ENPP6: variants seen among roughly 807,000 people sequenced by gnomAD.
ENPP6 encodes glycerophosphocholine cholinephosphodiesterase ENPP6.
A neutral mutation model predicts 42.0 loss-of-function variants in ENPP6; 32 were observed. The ratio of observed to expected loss-of-function variants is 0.76; its 90% CI spans 0.58 to 1.02. ENPP6 has a LOEUF of 1.02. ENPP6 is among the 50% of genes least tolerant of loss of function. The pLI, the probability that ENPP6 is intolerant of heterozygous loss-of-function variation, is 0.00. For synonymous variants in ENPP6, 213 were observed against 216.0 expected, an observed-to-expected ratio of 0.99 and a Z score of 0.12; for missense variants, 552 against 566.8, an observed-to-expected ratio of 0.97 and a Z score of 0.27.
chr4:184,146,779 T>C lies in ENPP6; in HGVS notation c.421+6775A>G, dbSNP rs1004694635. 2.6e-5 allele frequency among the ~76,000 whole-genome samples: 4 copies of C among 152,036 alleles called. No individual in the cohort carries two copies. The East Asian group carries it at 7.7e-4, about 29-fold the overall frequency. The stretch of plus-strand genomic sequence containing the variant: ...CCTCATCAGATGGCTACGCAGAGAG[T>C]GATACTACCTCCCCTTGCTTTTCAC... On this transcript the variant is annotated intron_variant, in intron 2 of 7. Transcript: ENST00000296741.
chr4:184,180,339 A>G (rs1732532231), intron 1 of ENPP6, among the ~76,000 whole-genome samples: 1 of 152,220 alleles, frequency 6.6e-6, no homozygotes, highest in South Asian at 2.1e-4. Context: ...GAGACCATTA[A>G]AAAGTTCTGA....
intron 2 of ENPP6, among the ~76,000 whole-genome samples, chr4:184,136,336 C>T (rs556657319): frequency 1.9e-4 from 29 of 152,086 alleles, no homozygotes; most frequent in African/African-American, 5.8e-4. Flanking sequence ...CTTCTATTGT[C>T]ATGTACTTTA....
At chr4:184,112,941 A>G in intron 5 of ENPP6, 132 bp from the exon 6 acceptor site, 1 of 1,103,572 alleles carries the variant, frequency 9.1e-7, no homozygotes, top group South Asian at 2.0e-5. Flanking sequence ...ATAGATTTGA[A>G]TATGTAAAAA....
chr4:184,133,890 T>G, intron 2 of ENPP6, among the ~76,000 whole-genome samples: 1 of 145,008 alleles, frequency 6.9e-6, no homozygotes. Flanking sequence ...TTTTTTGAGA[T>G]GGAGCCTCAC....
chr4:184,193,558 G>T (rs1732737120), intron 1 of ENPP6, among the ~76,000 whole-genome samples: 1 of 152,180 alleles, frequency 6.6e-6, no homozygotes, highest in Non-Finnish European at 1.5e-5. Flanking sequence ...GGCAGTGGTT[G>T]CACATCTCTG....
intron 5 of ENPP6, 123 bp from the exon 6 acceptor site, chr4:184,112,932 T>C (rs1203716934): frequency 6.1e-6 from 7 of 1,141,190 alleles, no homozygotes; most frequent in Non-Finnish European, 8.4e-6. Context: ...AAATACTTGA[T>C]AGATTTGAAT....
At chr4:184,102,334 G>A (rs1401321795) in intron 6 of ENPP6, among the ~76,000 whole-genome samples, 2 of 152,192 alleles carry the variant, frequency 1.3e-5, no homozygotes, top group African/African-American at 4.8e-5. Context: ...AGGACAGGAC[G>A]AGGCGAGGAG....
intron 1 of ENPP6, among the ~76,000 whole-genome samples, chr4:184,158,990 A>G (rs192933817): frequency 7.4e-4 from 113 of 152,304 alleles, no homozygotes; most frequent in Non-Finnish European, 1.5e-4. Context: ...ATTTTCCAGT[A>G]CAGTAAGAGT....
chr4:184,107,650 T>G lies in ENPP6; in HGVS notation c.993+5022A>C, dbSNP rs186911406. Among the ~76,000 whole-genome samples the G allele has an allele frequency of 7.1e-3, 1,080 of 151,880 alleles. 14 individuals carry two copies. The highest frequency in any genetic ancestry group is 0.024 in the African/African-American group (1,010 of 41,366). On this transcript the variant is annotated intron_variant, in intron 6 of 7. Coordinates refer to ENST00000296741, the MANE Select transcript of ENPP6 (RefSeq NM_153343.4). ...ATTAGTCAGGGCTAGGTGTGGTGGC[T>G]CACGCCTGTAATCCCAGCACTTTGG...
chr4:184,179,269 A>C (rs929315887), intron 1 of ENPP6, among the ~76,000 whole-genome samples: 11 of 152,214 alleles, frequency 7.2e-5, no homozygotes, highest in Non-Finnish European at 1.6e-4. Flanking sequence ...AAGTTCAAAA[A>C]AGACAAACAG....
intron 7 of ENPP6, 101 bp from the exon 8 acceptor site, chr4:184,091,483 T>G: frequency 8.9e-7 from 1 of 1,117,846 alleles, no homozygotes; most frequent in Non-Finnish European, 1.3e-6. Context: ...CAGGTGACAT[T>G]GAGATTAGGG....
chr4:184,193,712 A>G (rs539375591), intron 1 of ENPP6, among the ~76,000 whole-genome samples: 43 of 152,346 alleles, frequency 2.8e-4, no homozygotes, highest in African/African-American at 9.1e-4. Flanking sequence ...GGATCTAATT[A>G]GCATATGGAA....
rs753876812 is a variant in ENPP6, at chr4:184,117,875, T to G, written c.559A>C (p.Ile187Leu). 6.2e-7 allele frequency: 1 copy of G among 1,614,204 alleles called. No homozygotes were observed. The highest frequency in any genetic ancestry group is 2.2e-5 in the East Asian group (1 of 44,882). The change falls in exon 4 of 8, where the codon ATA becomes CTA. Residue 187 changes from isoleucine (I) to leucine (L), a missense_variant. By Grantham distance (5) the Ile-to-Leu change is conservative. This residue lies in a region of ENPP6 where 545 missense variants were observed against 546.3 expected (regional missense o/e 1.00). Coordinates refer to ENST00000296741, the MANE Select transcript of ENPP6 (RefSeq NM_153343.4). ...TCCACGTCAATGCGCTCATGGTATA[T>G]GGCTGCCAGGTCGGCCCGGCCACTC... ...FKSGRADLAA[I>L]YHERIDVEGH...
intron 1 of ENPP6, among the ~76,000 whole-genome samples, chr4:184,216,327 T>C (rs1189897887): frequency 6.6e-6 from 1 of 152,234 alleles, no homozygotes; most frequent in Non-Finnish European, 1.5e-5. Context: ...AAAAAACAAA[T>C]ACATAACTTC....
intron 1 of ENPP6, among the ~76,000 whole-genome samples, chr4:184,217,335 A>G (rs1733213242): frequency 2.6e-5 from 4 of 152,236 alleles, no homozygotes; most frequent in Admixed American, 2.0e-4. Context: ...ATGTACTGCT[A>G]TAGTTCTCTG....
At chr4:184,186,328 T>C (rs189073502) in intron 1 of ENPP6, among the ~76,000 whole-genome samples, 3 of 152,296 alleles carry the variant, frequency 2.0e-5, no homozygotes, top group East Asian at 3.9e-4. Context: ...AGACCACAGA[T>C]TGAATGATTC....
At chr4:184,124,385 G>T in intron 2 of ENPP6, 113 bp from the exon 3 acceptor site, 2 of 735,442 alleles carry the variant, frequency 2.7e-6, no homozygotes. Context: ...AAAATGTTGA[G>T]TATTTTTATG....
At chr4:184,204,545 T>C (rs4862342) in intron 1 of ENPP6, among the ~76,000 whole-genome samples, 65,286 of 151,944 alleles carry the variant, frequency 0.43, 14,520 homozygotes, top group Non-Finnish European at 0.48. Context: ...CTTTCTCGAC[T>C]TCAGCGATCT....
chr4:184,106,418 C>T (rs1736094016), intron 6 of ENPP6, among the ~76,000 whole-genome samples: 1 of 152,182 alleles, frequency 6.6e-6, no homozygotes, highest in Non-Finnish European at 1.5e-5. Flanking sequence ...CATCTTGTTG[C>T]CACGTCCCCT....
Sources: gnomAD v4.1 joint callset for allele counts (sites outside exome capture counted in the v4.1 genomes callset) on GRCh38, gnomAD v4.1.1 for gene constraint, gnomAD v4.1.1 regional missense constraint, MANE v1.5 for transcripts, NCBI Gene and HGNC (gene_info 2026-07-23, HGNC 2026-07-21) for gene names.